Variants in PKIB observed in about 807,000 individuals in gnomAD.
PKIB encodes the protein PKI-beta.
A neutral mutation model predicts 4.5 loss-of-function variants in PKIB; 2 were observed. The ratio of observed to expected loss-of-function variants is 0.44; its 90% CI spans 0.18 to 1.39. The LOEUF is 1.39. Ranked by LOEUF, PKIB falls within the 40% of genes most tolerant of loss-of-function variation. The pLI, the probability that PKIB is intolerant of heterozygous loss-of-function variation, is 0.27. For missense variants in PKIB, 94 were observed against 92.6 expected (o/e 1.02, Z -0.06); for synonymous variants, 38 against 36.0 (o/e 1.06, Z -0.20).
intron 3 of PKIB, among the ~76,000 whole-genome samples, chr6:122,591,199 C>T (rs976942391): frequency 6.8e-6 from 1 of 147,356 alleles, no homozygotes; most frequent in Non-Finnish European, 1.5e-5. Flanking sequence ...TCTCTCGACA[C>T]ACACACACAC....
intron 3 of PKIB, among the ~76,000 whole-genome samples, chr6:122,694,655 T>C (rs1288765082): frequency 6.6e-6 from 1 of 152,142 alleles, no homozygotes; most frequent in African/African-American, 2.4e-5. Flanking sequence ...TTACACTGCC[T>C]GGTGTCAGGA....
intron 3 of PKIB, among the ~76,000 whole-genome samples, chr6:122,700,263 T>C (rs1465480415): frequency 4.2e-5 from 6 of 142,448 alleles, no homozygotes; most frequent in Non-Finnish European, 9.3e-5. Context: ...TTTTTTTTTT[T>C]TTTTTTTTTT....
At position 122,636,797 on chromosome 6, in the gene PKIB, A is replaced by G. The variant is rs534249106; in HGVS notation, c.-76+3430A>G. ...AGAAAGTTGAAACTTGCTATTTCCC[A>G]GTATTAAAGCATATTAAAAAGTTAC... is the stretch of plus-strand genomic sequence containing the variant. On this transcript the variant is annotated intron_variant, in intron 2 of 4. Transcript: ENST00000368452. 5.3e-5 allele frequency among the ~76,000 whole-genome samples: 8 copies of G among 152,292 alleles called. No individual in the cohort carries two copies. In the South Asian group the frequency reaches 1.5e-3, roughly 28 times the overall value.
chr6:122,619,041 T>C (rs990414751), intron 1 of PKIB, among the ~76,000 whole-genome samples: 8 of 152,146 alleles, frequency 5.3e-5, no homozygotes, highest in Non-Finnish European at 1.0e-4. Flanking sequence ...AGAATATTTT[T>C]AGTTATTTTT....
Position 122,726,105 on chromosome 6 carries a change from A to G in PKIB, c.*910A>G, listed in dbSNP as rs1201131855. ...TAAGCATTTAGTCAATGATATTGGT[A>G]GAAATAGTAAAATACATCCTTTAAA... On this transcript the variant is annotated 3_prime_UTR_variant, in exon 5 of 5. Coordinates refer to ENST00000368452, the MANE Select transcript of PKIB (RefSeq NM_181795.3). The G allele has an allele frequency of 6.6e-6, 1 of 152,158 alleles. No individual in the cohort carries two copies. Among genetic ancestry groups the G allele is most frequent in the Non-Finnish European group, 1.5e-5 (1 of 67,992 alleles). The allele number at this position is 152,158 out of a possible 1,614,324, so 9.4% of individuals were successfully genotyped here.
At chr6:122,572,049 A>G (rs1224433742) in intron 2 of PKIB, among the ~76,000 whole-genome samples, 2 of 152,116 alleles carry the variant, frequency 1.3e-5, no homozygotes, top group African/African-American at 4.8e-5. Context: ...GGAAGAAGGT[A>G]TTCCACGCAA....
chr6:122,598,567 C>A (rs567568693), intron 3 of PKIB, among the ~76,000 whole-genome samples: 2 of 152,190 alleles, frequency 1.3e-5, no homozygotes, highest in African/African-American at 4.8e-5. Context: ...GATGCAGGTG[C>A]TGCCCTCACA....
intron 3 of PKIB, among the ~76,000 whole-genome samples, chr6:122,592,416 A>G (rs569887785): frequency 3.3e-5 from 5 of 152,230 alleles, no homozygotes; most frequent in Non-Finnish European, 7.3e-5. Flanking sequence ...TTAGGGTTTG[A>G]GTAAATTCTG....
intron 2 of PKIB, among the ~76,000 whole-genome samples, chr6:122,536,798 AAAAC>A (rs1777418739): frequency 6.6e-6 from 1 of 151,382 alleles, no homozygotes; most frequent in African/African-American, 2.4e-5. Context: ...AAAAGAGAGA[AAAAC>A]AAAGCAATAA....
chr6:122,612,847 A>T (rs1774818522), intron 1 of PKIB, among the ~76,000 whole-genome samples: 1 of 152,256 alleles, frequency 6.6e-6, no homozygotes, highest in South Asian at 2.1e-4. Flanking sequence ...ACTTGTGTCT[A>T]ACTTTTAAGG....
chr6:122,566,494 A>G (rs1773198847), intron 2 of PKIB, among the ~76,000 whole-genome samples: 1 of 152,156 alleles, frequency 6.6e-6, no homozygotes, highest in African/African-American at 2.4e-5. Context: ...AATGATCTTT[A>G]TACTAATGCT....
chr6:122,581,192 T>TA (rs1207136370), intron 2 of PKIB, among the ~76,000 whole-genome samples: 3 of 152,180 alleles, frequency 2.0e-5, no homozygotes, highest in Non-Finnish European at 4.4e-5. Flanking sequence ...ACCATTATAA[T>TA]ACCATCATCA....
chr6:122,602,955 C>CAAAAAA (rs71021410), intron 3 of PKIB, among the ~76,000 whole-genome samples: 2 of 74,880 alleles, frequency 2.7e-5, no homozygotes, highest in Non-Finnish European at 4.8e-5. Context: ...GACTGCGTCT[C>CAAAAAA]AAAAAAAAAA....
At chr6:122,543,405 C>T (rs1287026701) in intron 2 of PKIB, among the ~76,000 whole-genome samples, 1 of 141,542 alleles carries the variant, frequency 7.1e-6, no homozygotes, top group African/African-American at 2.7e-5. Context: ...ACTCTTGTTG[C>T]CTGGAGTGCA....
chr6:122,531,144 C>G (rs564942378), intron 2 of PKIB: 2 of 152,180 alleles, frequency 1.3e-5, no homozygotes, highest in Admixed American at 6.6e-5. Flanking sequence ...GGGAGCTATA[C>G]AAAAATTGAA....
chr6:122,611,984 A>G (rs544691769), intron 1 of PKIB, among the ~76,000 whole-genome samples: 203 of 152,348 alleles, frequency 1.3e-3, no homozygotes, highest in African/African-American at 4.7e-3. Context: ...AAACGTTTTT[A>G]GTAATGGACT....
intron 2 of PKIB, among the ~76,000 whole-genome samples, chr6:122,575,182 A>G (rs1462393950): frequency 1.3e-5 from 2 of 152,196 alleles, no homozygotes; most frequent in Admixed American, 1.3e-4. Context: ...GGAAATGTAA[A>G]TTAAAACCAC....
chr6:122,621,040 G>C (rs1466366100), intron 1 of PKIB, among the ~76,000 whole-genome samples: 2 of 151,922 alleles, frequency 1.3e-5, no homozygotes, highest in Non-Finnish European at 2.9e-5. Context: ...CAAGCAATCT[G>C]GTCATTTTAA....
At chr6:122,716,662 T>G (rs1779510614) in intron 3 of PKIB, among the ~76,000 whole-genome samples, 1 of 152,132 alleles carries the variant, frequency 6.6e-6, no homozygotes, top group Non-Finnish European at 1.5e-5. Flanking sequence ...TGCACCATGT[T>G]TTGTGACTAT....
Sources: gnomAD v4.1 joint callset for allele counts (sites outside exome capture counted in the v4.1 genomes callset) on GRCh38, gnomAD v4.1.1 for gene constraint, MANE v1.5 for transcripts, NCBI Gene and HGNC (gene_info 2026-07-23, HGNC 2026-07-21) for gene names.